CSMD2: variants seen among roughly 807,000 people sequenced by gnomAD.
The protein encoded by CSMD2 is CUB and sushi domain-containing protein 2.
A neutral mutation model predicts 398.5 loss-of-function variants in CSMD2; 130 were observed. The ratio of observed to expected loss-of-function variants is 0.33; its 90% CI spans 0.28 to 0.38. The LOEUF is 0.38. CSMD2 is among the 10% of genes least tolerant of loss of function. The pLI is 1.00. For synonymous variants in CSMD2, 1,828 were observed against 1,908.5 expected, an observed-to-expected ratio of 0.96 and a Z score of 1.10; for missense variants, 3,829 against 4,764.9, an observed-to-expected ratio of 0.80 and a Z score of 5.78.
intron 1 of CSMD2, among the ~76,000 whole-genome samples, chr1:34,103,852 G>T (rs1261080654): frequency 6.6e-6 from 1 of 152,092 alleles, no homozygotes; most frequent in Non-Finnish European, 1.5e-5. Context: ...GTTTATTTTG[G>T]AAGTGGCTTA....
intron 50 of CSMD2, 102 bp from the exon 51 acceptor site, chr1:33,571,828 T>C (rs1659625450): frequency 3.4e-6 from 3 of 875,702 alleles, no homozygotes; most frequent in South Asian, 9.3e-5. Context: ...AATGCAATAA[T>C]GAAGAATCCA....
At chr1:34,054,341 A>C (rs1439946430) in intron 2 of CSMD2, among the ~76,000 whole-genome samples, 2 of 152,182 alleles carry the variant, frequency 1.3e-5, no homozygotes, top group African/African-American at 4.8e-5. Context: ...CAGAATCCAA[A>C]AAGTTTCTTC....
chr1:33,649,436 G>A (rs759869746), intron 28 of CSMD2, among the ~76,000 whole-genome samples: 5 of 152,194 alleles, frequency 3.3e-5, no homozygotes, highest in Admixed American at 2.6e-4. Flanking sequence ...TTGAGGCCAG[G>A]AGTTTGAGAC....
intron 5 of CSMD2, chr1:33,862,782 T>G (rs756647757): frequency 6.6e-6 from 1 of 152,152 alleles, no homozygotes; most frequent in African/African-American, 2.4e-5. Context: ...GGGGATGGCT[T>G]AGGTAGGCCA....
At chr1:33,574,474 A>G (rs1659887953) in intron 49 of CSMD2, among the ~76,000 whole-genome samples, 1 of 152,198 alleles carries the variant, frequency 6.6e-6, no homozygotes, top group Admixed American at 6.5e-5. Context: ...CCGTCAAAGT[A>G]CCCACTACTG....
Position 33,537,687 on chromosome 1 carries a change from G to A in CSMD2, c.9632-78C>T. 6.9e-7 allele frequency: 1 copy of A among 1,450,072 alleles called. No homozygotes were observed. The highest frequency in any genetic ancestry group is 2.4e-5 in the East Asian group (1 of 42,484). 89.8% of individuals were successfully genotyped at this position (1,450,072 alleles called of 1,614,324 possible). On this transcript the variant is annotated intron_variant, in intron 60 of 70. Coordinates refer to ENST00000373381, the MANE Select transcript of CSMD2 (RefSeq NM_001281956.2). The surrounding 1 kb of genome is among the most constrained non-coding windows in gnomAD (Gnocchi z 4.6). ...CTTCCAGTCCCACACCCCCATCTTT[G>A]TTCTTTGCACTGCTCCCTTCCTGGT...
At chr1:34,151,441 G>A (rs890913892) in intron 1 of CSMD2, among the ~76,000 whole-genome samples, 10 of 152,126 alleles carry the variant, frequency 6.6e-5, no homozygotes, top group African/African-American at 2.4e-4. Context: ...TGAGGGTGGA[G>A]GCAGCAAGGT....
intron 2 of CSMD2, among the ~76,000 whole-genome samples, chr1:34,080,365 G>T (rs1429942182): frequency 6.6e-6 from 1 of 151,870 alleles, no homozygotes; most frequent in African/African-American, 2.4e-5. Flanking sequence ...TTAGGCAATA[G>T]ATATGAAATT....
chr1:33,764,553 T>C (rs1203306453), intron 13 of CSMD2, among the ~76,000 whole-genome samples: 1 of 152,180 alleles, frequency 6.6e-6, no homozygotes, highest in African/African-American at 2.4e-5. Context: ...CTTCCTAAGT[T>C]CCCTGTTTAT....
At position 33,645,344 on chromosome 1, in the gene CSMD2, TACACACACACACACACAC is replaced by T. The variant is rs4044501; in HGVS notation, c.4774+1286_4774+1303del. Among the ~76,000 whole-genome samples, 169 of 136,370 alleles carry T rather than the reference TACACACACACACACACAC, an allele frequency of 1.2e-3. 1 individual carries two copies. Among genetic ancestry groups the T allele is most frequent in the East Asian group, 3.0e-3 (14 of 4,668 alleles). 89.5% of individuals were successfully genotyped at this position (136,370 alleles called of 152,430 possible). ...AGTGTTTAGTACATATGGAGCATTA[TACACACACACACACACAC>T]ACACACACACACACACACACACACA... On this transcript the variant is annotated intron_variant, in intron 29 of 70. Coordinates refer to ENST00000373381, the MANE Select transcript of CSMD2 (RefSeq NM_001281956.2).
At chr1:33,848,510 T>C (rs76518279) in intron 5 of CSMD2, among the ~76,000 whole-genome samples, 2 of 152,204 alleles carry the variant, frequency 1.3e-5, no homozygotes, top group African/African-American at 4.8e-5. Flanking sequence ...TTCTCAGGCA[T>C]GGAGCAAGGA....
Position 33,537,679 on chromosome 1 carries a change from C to A in CSMD2, c.9632-70G>T. ...AACCCAATCTTCCAGTCCCACACCC[C>A]CATCTTTGTTCTTTGCACTGCTCCC... On this transcript the variant is annotated intron_variant, in intron 60 of 70. Coordinates refer to ENST00000373381, the MANE Select transcript of CSMD2 (RefSeq NM_001281956.2). This position sits in a 1 kb window ranked among gnomAD's most constrained non-coding sequence, Gnocchi z 4.6. 5 of 1,484,080 alleles carry A rather than the reference C, an allele frequency of 3.4e-6. 1 individual carries two copies. The South Asian group carries it at 6.6e-5, about 20-fold the overall frequency. The allele number at this position is 1,484,080 out of a possible 1,614,324, so 91.9% of individuals were successfully genotyped here.
chr1:33,767,169 A>G (rs970379141), intron 13 of CSMD2, among the ~76,000 whole-genome samples: 1 of 152,232 alleles, frequency 6.6e-6, no homozygotes, highest in African/African-American at 2.4e-5. Flanking sequence ...ATGTAGCAAC[A>G]TGGTAAGATT....
chr1:33,555,090 T>C (rs1329571907), intron 55 of CSMD2, among the ~76,000 whole-genome samples: 2 of 152,168 alleles, frequency 1.3e-5, no homozygotes, highest in Non-Finnish European at 2.9e-5. Context: ...TCATTCTAGA[T>C]GCCATTAAGA....
chr1:33,716,300 T>C lies in CSMD2; in HGVS notation c.3203A>G (p.Asn1068Ser), dbSNP rs1646165404. The C allele has an allele frequency of 6.2e-7, 1 of 1,614,054 alleles. No individual in the cohort carries two copies. Among genetic ancestry groups the C allele is most frequent in the Non-Finnish European group, 8.5e-7 (1 of 1,179,912 alleles). ...ATACTCTTTACCTGAGAAGGTGATG[T>C]TGAATCCTTCATATGACATGGAGAA... ...SDFSMSYEGF[N>S]ITFSEYDLEP... Residue 1068 changes from asparagine (N) to serine (S), a missense_variant, in exon 20 of 71, where the codon AAC (asparagine) becomes AGC (serine). Transcript: ENST00000373381.
At chr1:33,548,117 A>T (rs1657083425) in intron 56 of CSMD2, among the ~76,000 whole-genome samples, 1 of 152,200 alleles carries the variant, frequency 6.6e-6, no homozygotes. Flanking sequence ...AAGTTTCCTG[A>T]GACCTTCCCA....
chr1:34,125,239 GAGACAGGGGA>G (rs1187944427), intron 1 of CSMD2, among the ~76,000 whole-genome samples: 10 of 152,210 alleles, frequency 6.6e-5, no homozygotes, highest in Non-Finnish European at 1.2e-4. Context: ...GGAAACTTCA[GAGACAGGGGA>G]AGACAGATAT....
At chr1:34,161,643 G>A (rs1465267633) in intron 1 of CSMD2, among the ~76,000 whole-genome samples, 1 of 152,172 alleles carries the variant, frequency 6.6e-6, no homozygotes, top group Non-Finnish European at 1.5e-5. Context: ...GGCAATTGAG[G>A]TGGTCATTGG....
intron 13 of CSMD2, among the ~76,000 whole-genome samples, chr1:33,764,616 G>T (rs942457894): frequency 3.9e-5 from 6 of 152,212 alleles, no homozygotes; most frequent in African/African-American, 1.4e-4. Context: ...CTAGAGAAAT[G>T]AGGGGAATGT....
Sources: gnomAD v4.1 joint callset for allele counts (sites outside exome capture counted in the v4.1 genomes callset) on GRCh38, gnomAD v4.1.1 for gene constraint, Gnocchi (gnomAD v3.1) non-coding constraint, MANE v1.5 for transcripts, NCBI Gene and HGNC (gene_info 2026-07-23, HGNC 2026-07-21) for gene names.